Variants in SYNE2 observed in about 807,000 individuals in gnomAD.
SYNE2 encodes nesprin-2.
Under a neutral mutation model 856.3 loss-of-function variants are expected in SYNE2, and 431 were observed. That is an observed-to-expected ratio of 0.50 (90% CI 0.47 to 0.55). The LOEUF is 0.55. Among genes scored for constraint, SYNE2 ranks in the 20% least tolerant of loss-of-function variants. The pLI, the probability that SYNE2 is intolerant of heterozygous loss-of-function variation, is 0.00. For synonymous variants in SYNE2, 2,923 were observed against 2,872.3 expected (o/e 1.02, Z -0.56); for missense variants, 8,129 against 8,023.2 (o/e 1.01, Z -0.50).
chr14:64,195,931 G>A (rs1413955895), intron 99 of SYNE2, among the ~76,000 whole-genome samples: 1 of 152,186 alleles, frequency 6.6e-6, no homozygotes, highest in Non-Finnish European at 1.5e-5. Context: ...TGATCCTTCT[G>A]CCTCTAGAAT....
At chr14:64,223,887 G>C (rs1313053583) in intron 113 of SYNE2, among the ~76,000 whole-genome samples, 3 of 152,114 alleles carry the variant, frequency 2.0e-5, no homozygotes, top group Admixed American at 6.5e-5. Context: ...ACCGACCTGT[G>C]ATGAGCTCAC....
Position 64,070,798 on chromosome 14 carries a change from A to T in SYNE2, c.10585A>T (p.Thr3529Ser). ...ENVEKQQLLLTLLLQRIRSIQ... is the reference protein window; with the variant it reads ...ENVEKQQLLLSLLLQRIRSIQ... The stretch of plus-strand genomic sequence containing the variant: ...CGTGGAGAAGCAACAGCTGTTACTG[A>T]CTCTACTTCTTCAGCGCATCAGAAG... Residue 3529 changes from threonine (T) to serine (S), a missense_variant, in exon 52 of 116, where the codon ACT becomes TCT. By Grantham distance (58) the Thr-to-Ser change is moderately conservative. Transcript: ENST00000555002. 1 of 1,614,136 alleles carries T rather than the reference A, an allele frequency of 6.2e-7. No individual in the cohort carries two copies. The highest frequency in any genetic ancestry group is 8.5e-7 in the Non-Finnish European group (1 of 1,180,020).
At chr14:64,027,922 T>TA in intron 43 of SYNE2, 129 bp downstream of exon 43, 2 of 829,344 alleles carry the variant, frequency 2.4e-6, no homozygotes, top group South Asian at 1.8e-5. Flanking sequence ...TATTTTATTT[T>TA]TTTGAGACAG....
intron 45 of SYNE2, 56 bp downstream of exon 45, chr14:64,031,413 T>G: frequency 6.6e-7 from 1 of 1,516,548 alleles, no homozygotes; most frequent in African/African-American, 1.4e-5. Context: ...AAGAGGTATT[T>G]GGCTCTGAAA....
intron 2 of SYNE2, among the ~76,000 whole-genome samples, chr14:63,938,943 C>CAT (rs1566851482): frequency 2.3e-4 from 29 of 127,440 alleles, no homozygotes; most frequent in Admixed American, 1.6e-3. Context: ...CGTGTGTGTG[C>CAT]GTGTGTGCAT....
chr14:64,113,200 G>A, intron 65 of SYNE2, 141 bp from the exon 66 acceptor site: 7 of 1,514,378 alleles, frequency 4.6e-6, no homozygotes, highest in Non-Finnish European at 6.1e-6. Context: ...TGAGTGTGGA[G>A]GTGCATTTCT....
chr14:64,164,482 C>G (rs546127099), intron 89 of SYNE2, among the ~76,000 whole-genome samples: 2 of 152,270 alleles, frequency 1.3e-5, no homozygotes, highest in South Asian at 4.1e-4. Context: ...CTCCTGGCCT[C>G]AAGTGATCTA....
At chr14:64,096,186 T>C (rs2097675461) in intron 61 of SYNE2, among the ~76,000 whole-genome samples, 1 of 152,186 alleles carries the variant, frequency 6.6e-6, no homozygotes, top group Non-Finnish European at 1.5e-5. Flanking sequence ...GCAGCACAAA[T>C]AAACTAAGAC....
At chr14:63,916,185 A>G (rs2095531211) in intron 2 of SYNE2, among the ~76,000 whole-genome samples, 1 of 151,946 alleles carries the variant, frequency 6.6e-6, no homozygotes, top group African/African-American at 2.4e-5. Flanking sequence ...TGTGGTATCC[A>G]TTGTACAAAT....
At chr14:63,891,678 G>C (rs1566726690) in intron 1 of SYNE2, among the ~76,000 whole-genome samples, 1 of 151,924 alleles carries the variant, frequency 6.6e-6, no homozygotes, top group South Asian at 2.1e-4. Context: ...AATCATATAT[G>C]TATATATATG....
At chr14:64,209,221 T>A in intron 101 of SYNE2, 2 of 924,378 alleles carry the variant, frequency 2.2e-6, no homozygotes, top group Non-Finnish European at 3.2e-6. Flanking sequence ...TGTCTCCTGG[T>A]TTTTTAACCT....
intron 8 of SYNE2, chr14:63,960,606 G>A: frequency 1.7e-6 from 1 of 588,316 alleles, no homozygotes; most frequent in East Asian, 2.8e-5. Flanking sequence ...AAACAGTGAA[G>A]TGTTTTTTTT....
rs183941440 is a variant in SYNE2 at position 63,890,626 on chromosome 14, T to G, written c.-51-18472T>G. Among the ~76,000 whole-genome samples the G allele has an allele frequency of 5.2e-4, 79 of 152,236 alleles. 1 individual carries two copies. The East Asian group carries it at 0.01, about 20-fold the overall frequency. ...GAAACTTTGCTTCTGAGGCCTTCACTTGGGAGTACAGTTTTTTGAGCCCCA... is the reference window on the plus strand; with the variant it reads ...GAAACTTTGCTTCTGAGGCCTTCACGTGGGAGTACAGTTTTTTGAGCCCCA... On this transcript the variant is annotated intron_variant, in intron 1 of 115. Coordinates refer to ENST00000555002, the MANE Select transcript of SYNE2 (RefSeq NM_182914.3).
At chr14:63,769,105 T>A (rs1057121429) in intron 1 of SYNE2, among the ~76,000 whole-genome samples, 3 of 152,010 alleles carry the variant, frequency 2.0e-5, no homozygotes, top group Non-Finnish European at 4.4e-5. Flanking sequence ...TGAGACCTCA[T>A]CTCTAAAAAA....
chr14:64,074,837 G>A (rs1025334478), intron 53 of SYNE2, among the ~76,000 whole-genome samples: 1 of 151,786 alleles, frequency 6.6e-6, no homozygotes, highest in Admixed American at 6.6e-5. Flanking sequence ...GGTGGTTGTA[G>A]TAAGCCGAGA....
chr14:64,032,816 A>G (rs772208000), intron 45 of SYNE2, among the ~76,000 whole-genome samples: 8 of 152,232 alleles, frequency 5.3e-5, no homozygotes, highest in Non-Finnish European at 1.0e-4. Context: ...TTAAGAGATC[A>G]GTGAGTGAGG....
chr14:64,069,868 T>A (rs2097390689), intron 51 of SYNE2, among the ~76,000 whole-genome samples: 1 of 152,216 alleles, frequency 6.6e-6, no homozygotes, highest in Non-Finnish European at 1.5e-5. Context: ...TGATATCCTG[T>A]AATGTCATGA....
intron 1 of SYNE2, among the ~76,000 whole-genome samples, chr14:63,883,642 C>T (rs1377243943): frequency 2.6e-5 from 4 of 152,238 alleles, no homozygotes; most frequent in African/African-American, 9.6e-5. Context: ...AGGCGTGCGC[C>T]ACTGCGCCTG....
intron 1 of SYNE2, among the ~76,000 whole-genome samples, chr14:63,826,113 T>C (rs1007857984): frequency 1.3e-5 from 2 of 151,770 alleles, no homozygotes; most frequent in African/African-American, 4.8e-5. Flanking sequence ...AGTAACTAAG[T>C]TGGAGTTACT....
Sources: gnomAD v4.1 joint callset for allele counts (sites outside exome capture counted in the v4.1 genomes callset) on GRCh38, gnomAD v4.1.1 for gene constraint, MANE v1.5 for transcripts, NCBI Gene and HGNC (gene_info 2026-07-23, HGNC 2026-07-21) for gene names.